The following CACHD1 variants were observed in gnomAD, a reference collection of about 807,000 sequenced individuals.
CACHD1 encodes VWFA and cache domain-containing protein 1.
In CACHD1, 71 loss-of-function variants were observed where a neutral mutation model predicts 138.7. That is an observed-to-expected ratio of 0.51 (90% CI 0.42 to 0.62). The LOEUF is 0.62. Ranked by LOEUF, CACHD1 falls within the 20% of genes least tolerant of loss-of-function variation. The pLI is 0.00. For synonymous variants in CACHD1, 578 were observed against 591.5 expected, an observed-to-expected ratio of 0.98 and a Z score of 0.33; for missense variants, 1,389 against 1,625.3, an observed-to-expected ratio of 0.85 and a Z score of 2.50.
intron 5 of CACHD1, among the ~76,000 whole-genome samples, chr1:64,632,285 A>G: frequency 1.3e-5 from 2 of 149,330 alleles, no homozygotes; most frequent in African/African-American, 2.4e-5. Context: ...AAAAGAGAGA[A>G]AAGCAGGATG....
intron 2 of CACHD1, among the ~76,000 whole-genome samples, chr1:64,567,915 T>A (rs1374605365): frequency 6.6e-6 from 1 of 152,182 alleles, no homozygotes; most frequent in Non-Finnish European, 1.5e-5. Context: ...GGGTGCCTTC[T>A]GTGCTGTTAG....
chr1:64,633,766 A>G (rs1293538250), intron 6 of CACHD1, among the ~76,000 whole-genome samples: 1 of 152,210 alleles, frequency 6.6e-6, no homozygotes, highest in Admixed American at 6.5e-5. Flanking sequence ...TTCTCTGCAT[A>G]AAATAGTTTG....
intron 1 of CACHD1, among the ~76,000 whole-genome samples, chr1:64,548,170 A>C (rs988693039): frequency 2.0e-5 from 3 of 152,228 alleles, no homozygotes; most frequent in Admixed American, 6.5e-5. Context: ...TGTTTTAACA[A>C]AAAGGAGAAG....
At position 64,609,999 on chromosome 1, in the gene CACHD1, C is replaced by A. The variant is rs184642569; in HGVS notation, c.517+7087C>A. On this transcript the variant is annotated intron_variant, in intron 4 of 26. Transcript: ENST00000651257. The stretch of plus-strand genomic sequence containing the variant: ...CTTACAATCATGACTGAAGGGGAAG[C>A]AAACATGTCCTTCTTCACATGGCAG... 4.6e-5 allele frequency among the ~76,000 whole-genome samples: 7 copies of A among 152,212 alleles called. No individual in the cohort carries two copies. In the East Asian group the frequency reaches 1.4e-3, roughly 29 times the overall value.
At chr1:64,534,811 C>T (rs1273158371) in intron 1 of CACHD1, among the ~76,000 whole-genome samples, 1 of 152,242 alleles carries the variant, frequency 6.6e-6, no homozygotes, top group Non-Finnish European at 1.5e-5. Context: ...ACAATGGAAG[C>T]TGATCACCTT....
chr1:64,631,696 C>T (rs1182915299), intron 5 of CACHD1, among the ~76,000 whole-genome samples: 1 of 152,160 alleles, frequency 6.6e-6, no homozygotes, highest in Non-Finnish European at 1.5e-5. Flanking sequence ...TTCTCACAAA[C>T]CTTCCTGCAC....
chr1:64,622,553 A>C (rs1478874141), intron 4 of CACHD1, among the ~76,000 whole-genome samples: 1 of 152,192 alleles, frequency 6.6e-6, no homozygotes, highest in Non-Finnish European at 1.5e-5. Context: ...AAACCCCTGC[A>C]TGTTTATATA....
At chr1:64,552,224 C>T (rs1436743) in intron 2 of CACHD1, among the ~76,000 whole-genome samples, 138,779 of 152,072 alleles carry the variant, frequency 0.91, 63,539 homozygotes, top group East Asian at 1. Context: ...AAGCCTTTAA[C>T]AATAATTTTA....
At chr1:64,524,978 A>G (rs2100385516) in intron 1 of CACHD1, among the ~76,000 whole-genome samples, 1 of 152,248 alleles carries the variant, frequency 6.6e-6, no homozygotes, top group Admixed American at 6.5e-5. Context: ...ATTGCTAGTG[A>G]GTAGAGAGCC....
chr1:64,475,815 G>A lies in CACHD1; in HGVS notation c.198+4873G>A, dbSNP rs188280340. 1.2e-3 allele frequency among the ~76,000 whole-genome samples: 183 copies of A among 152,184 alleles called. 1 individual carries two copies. The highest frequency in any genetic ancestry group is 6.9e-3 in the Admixed American group (106 of 15,270). On this transcript the variant is annotated intron_variant, in intron 1 of 26. Coordinates refer to ENST00000651257, the MANE Select transcript of CACHD1 (RefSeq NM_020925.4). ...CACCCGCCTCGGCCTCCCAAAGTGG[G>A]GTTAGATTAAACTGGCAATCACAGG...
chr1:64,476,636 G>C (rs1195858860), intron 1 of CACHD1, among the ~76,000 whole-genome samples: 1 of 152,208 alleles, frequency 6.6e-6, no homozygotes, highest in African/African-American at 2.4e-5. Context: ...AACTTGTCAG[G>C]AATGAGCCCA....
At chr1:64,622,540 G>A (rs1377459383) in intron 4 of CACHD1, among the ~76,000 whole-genome samples, 1 of 152,082 alleles carries the variant, frequency 6.6e-6, no homozygotes, top group Non-Finnish European at 1.5e-5. Context: ...TATTTTGATT[G>A]AGAAACCCCT....
intron 12 of CACHD1, 80 bp downstream of exon 12, chr1:64,654,883 G>T (rs1313835286): frequency 2.0e-6 from 2 of 1,014,892 alleles, no homozygotes; most frequent in Admixed American, 3.6e-5. Context: ...TCAGCCAGGG[G>T]GTGGCACTTG....
intron 16 of CACHD1, among the ~76,000 whole-genome samples, chr1:64,666,872 A>AAAAGAG (rs146557306): frequency 1.3e-3 from 182 of 137,986 alleles, no homozygotes; most frequent in East Asian, 6.1e-3. Context: ...AAAAAAAAAA[A>AAAAGAG]CGAGAAAGAA....
chr1:64,547,064 C>A (rs1346220537), intron 1 of CACHD1, among the ~76,000 whole-genome samples: 1 of 152,136 alleles, frequency 6.6e-6, no homozygotes, highest in African/African-American at 2.4e-5. Context: ...TAGATTTAGG[C>A]CTCAATGCTT....
chr1:64,649,252 A>T (rs1358768387), intron 9 of CACHD1, among the ~76,000 whole-genome samples: 1 of 152,086 alleles, frequency 6.6e-6, no homozygotes, highest in African/African-American at 2.4e-5. Flanking sequence ...GCCGGAGTGC[A>T]GTGGTGTGAT....
chr1:64,597,954 G>A (rs888025003), intron 3 of CACHD1, among the ~76,000 whole-genome samples: 3 of 152,098 alleles, frequency 2.0e-5, no homozygotes, highest in African/African-American at 4.8e-5. Flanking sequence ...AAATCAGGGC[G>A]AATAGCATGT....
At position 64,648,015 on chromosome 1, in the gene CACHD1, C is replaced by G. The variant is rs750725562; in HGVS notation, c.1371C>G (p.Phe457Leu). 52 of 1,612,958 alleles carry G rather than the reference C, an allele frequency of 3.2e-5. No homozygotes were observed. Among genetic ancestry groups the G allele is most frequent in the Non-Finnish European group, 4.3e-5 (51 of 1,179,564 alleles). ...MIDEAVFSLPFSDEMGDGLIM... is the reference protein window; with the variant it reads ...MIDEAVFSLPLSDEMGDGLIM... ...ATGAAGCCGTCTTCAGCCTGCCCTT[C>G]TCTGATGAGATGGGAGATGGTGAGT... The change falls in exon 9 of 27, where the codon TTC (phenylalanine) becomes TTG (leucine). Residue 457 changes from phenylalanine to leucine, a missense_variant. Phe to Leu is a conservative substitution (Grantham distance 22). Transcript: ENST00000651257.
intron 2 of CACHD1, among the ~76,000 whole-genome samples, 189 bp from the exon 3 acceptor site, chr1:64,581,967 A>G (rs1202776662): frequency 6.6e-6 from 1 of 152,194 alleles, no homozygotes; most frequent in Non-Finnish European, 1.5e-5. Context: ...GTATCCTTCT[A>G]TGACTTCTGG....
Sources: gnomAD v4.1 joint callset for allele counts (sites outside exome capture counted in the v4.1 genomes callset) on GRCh38, gnomAD v4.1.1 for gene constraint, MANE v1.5 for transcripts, NCBI Gene and HGNC (gene_info 2026-07-23, HGNC 2026-07-21) for gene names.